Variants in AGAP1 observed in about 807,000 individuals in gnomAD.
AGAP1 encodes the protein ArfGAP with GTPase domain, ankyrin repeat and PH domain 1.
A neutral mutation model predicts 105.3 loss-of-function variants in AGAP1; 29 were observed. The ratio of observed to expected loss-of-function variants is 0.28; its 90% CI spans 0.21 to 0.38. The LOEUF is 0.38. Ranked by LOEUF, AGAP1 falls within the 10% of genes least tolerant of loss-of-function variation. AGAP1 has a pLI of 1.00. For missense variants in AGAP1, 998 were observed against 1,165.1 expected, an observed-to-expected ratio of 0.86 and a Z score of 2.09; for synonymous variants, 509 against 485.9, an observed-to-expected ratio of 1.05 and a Z score of -0.63.
At chr2:235,518,247 TTTGA>T (rs1942477228) in intron 1 of AGAP1, among the ~76,000 whole-genome samples, 1 of 152,252 alleles carries the variant, frequency 6.6e-6, no homozygotes, top group Non-Finnish European at 1.5e-5. Flanking sequence ...GTTTACACTG[TTTGA>T]TTGATTGGAT....
rs147299899 is a variant in AGAP1 at position 236,090,880 on chromosome 2, C to T, written c.2115-29312C>T. ...TCAGCCTCCTGAGTAGCTGGGATTACAGGCATGCGCCACCATACCCGGCTA... is the reference window on the plus strand; with the variant it reads ...TCAGCCTCCTGAGTAGCTGGGATTATAGGCATGCGCCACCATACCCGGCTA... On this transcript the variant is annotated intron_variant, in intron 16 of 17. Coordinates refer to ENST00000304032, the MANE Select transcript of AGAP1 (RefSeq NM_001037131.3). The surrounding 1 kb of genome is among the most constrained non-coding windows in gnomAD (Gnocchi z 4.3). Among the ~76,000 whole-genome samples, 1,420 of 152,304 alleles carry T rather than the reference C, an allele frequency of 9.3e-3. 24 individuals carry two copies. The highest frequency in any genetic ancestry group is 0.032 in the African/African-American group (1,336 of 41,564).
chr2:235,974,576 A>G (rs1435804911), intron 13 of AGAP1, among the ~76,000 whole-genome samples: 1 of 152,124 alleles, frequency 6.6e-6, no homozygotes, highest in African/African-American at 2.4e-5. Flanking sequence ...TTATCGCACC[A>G]TTGTGTGGTT....
At chr2:235,950,583 G>A (rs2053690848) in intron 12 of AGAP1, among the ~76,000 whole-genome samples, 2 of 152,048 alleles carry the variant, frequency 1.3e-5, no homozygotes, top group Non-Finnish European at 2.9e-5. Flanking sequence ...GGGGATGAAG[G>A]CTGCTGTAGG....
At chr2:236,023,286 T>C (rs2056944005) in intron 13 of AGAP1, among the ~76,000 whole-genome samples, 1 of 152,080 alleles carries the variant, frequency 6.6e-6, no homozygotes, top group Non-Finnish European at 1.5e-5. Flanking sequence ...CCCTTTGTCA[T>C]CCCGGGTCCA....
rs564263041 is a variant in AGAP1, at chr2:235,770,877, G to A, written c.673+20389G>A. Reference sequence around the variant, plus strand: ...TCAAGTTCTAATCCCTGGAATTGACGAATATTATATTTTGTGTCCAAAATA... The same window carrying A: ...TCAAGTTCTAATCCCTGGAATTGACAAATATTATATTTTGTGTCCAAAATA... On this transcript the variant is annotated intron_variant, in intron 6 of 17. Transcript: ENST00000304032. 7.9e-5 allele frequency among the ~76,000 whole-genome samples: 12 copies of A among 152,238 alleles called. No homozygotes were observed. The South Asian group carries it at 2.3e-3, about 29-fold the overall frequency.
intron 12 of AGAP1, among the ~76,000 whole-genome samples, chr2:235,952,333 A>C (rs1377568681): frequency 2.0e-5 from 3 of 151,992 alleles, no homozygotes; most frequent in Admixed American, 1.3e-4. Flanking sequence ...AGTGTCTGTC[A>C]AAGAAGTTAT....
At chr2:235,687,385 C>G (rs1173159568) in intron 1 of AGAP1, among the ~76,000 whole-genome samples, 1 of 152,078 alleles carries the variant, frequency 6.6e-6, no homozygotes, top group East Asian at 1.9e-4. Context: ...GAGTGCTAAC[C>G]CAAACCTTTC....
intron 3 of AGAP1, among the ~76,000 whole-genome samples, chr2:235,717,900 C>A (rs998862503): frequency 1.8e-4 from 27 of 152,152 alleles, no homozygotes; most frequent in African/African-American, 6.3e-4. Context: ...TTGTTCTGTC[C>A]TTTCAAATGT....
At chr2:235,735,525 ACAGCATT>A in intron 3 of AGAP1, among the ~76,000 whole-genome samples, 1 of 152,308 alleles carries the variant, frequency 6.6e-6, no homozygotes, top group East Asian at 1.9e-4. Flanking sequence ...ACATTGTGAG[ACAGCATT>A]CAGAATAGTA....
rs1303388085 is a variant in AGAP1 at position 236,125,750 on chromosome 2, C to G, written c.*1628C>G. 1 of 152,184 alleles carries G rather than the reference C, an allele frequency of 6.6e-6. No homozygotes were observed. Among genetic ancestry groups the G allele is most frequent in the East Asian group, 1.9e-4 (1 of 5,180 alleles). 9.4% of individuals were successfully genotyped at this position (152,184 alleles called of 1,614,324 possible). A position where few individuals can be genotyped will look rare whatever the true frequency, so the allele number is the denominator to read the frequency against. On this transcript the variant is annotated 3_prime_UTR_variant, in exon 18 of 18. Transcript: ENST00000304032. This position sits in a 1 kb window ranked among gnomAD's most constrained non-coding sequence, Gnocchi z 5.2. ...TACCTCGCCTGATTTTCCATCGTTG[C>G]GGTATCCAGCCGCTTCAGACGTCCG...
chr2:235,541,532 C>T lies in AGAP1; in HGVS notation c.163+46683C>T, dbSNP rs949629206. ...CCTCCTGAGTAGCTGGGACTACAGG[C>T]GCCCGCCACCGTGCCCGGCTAATTT... On this transcript the variant is annotated intron_variant, in intron 1 of 17. Transcript: ENST00000304032. Among the ~76,000 whole-genome samples, 11 of 151,928 alleles carry T rather than the reference C, an allele frequency of 7.2e-5. No individual in the cohort carries two copies. In the East Asian group the frequency reaches 1.4e-3, roughly 19 times the overall value.
chr2:235,991,266 G>A (rs2055552884), intron 13 of AGAP1, among the ~76,000 whole-genome samples: 1 of 152,156 alleles, frequency 6.6e-6, no homozygotes, highest in Admixed American at 6.5e-5. Context: ...TGAAGGGTCA[G>A]TATAAAAATA....
intron 12 of AGAP1, among the ~76,000 whole-genome samples, chr2:235,943,664 G>C (rs1318842001): frequency 2.0e-5 from 3 of 152,054 alleles, no homozygotes; most frequent in Non-Finnish European, 4.4e-5. Flanking sequence ...AAAATTTTGG[G>C]GGGTATCGAG....
chr2:235,916,833 G>A (rs753090533), intron 11 of AGAP1, among the ~76,000 whole-genome samples: 1 of 152,224 alleles, frequency 6.6e-6, no homozygotes, highest in Non-Finnish European at 1.5e-5. Context: ...CATAGCCTTT[G>A]AGTGGACATA....
chr2:235,995,945 C>T (rs904847259), intron 13 of AGAP1, among the ~76,000 whole-genome samples: 1 of 152,122 alleles, frequency 6.6e-6, no homozygotes, highest in African/African-American at 2.4e-5. Flanking sequence ...TGGAGGTCAG[C>T]CTCAATAAAA....
At chr2:236,075,067 G>A (rs567635053) in intron 16 of AGAP1, among the ~76,000 whole-genome samples, 1 of 152,200 alleles carries the variant, frequency 6.6e-6, no homozygotes, top group Admixed American at 6.6e-5. Context: ...AGAAAAAAGC[G>A]AGACACAAAA....
chr2:235,994,433 G>A lies in AGAP1; in HGVS notation c.1645+25810G>A, dbSNP rs1426105144. On this transcript the variant is annotated intron_variant, in intron 13 of 17. Coordinates refer to ENST00000304032, the MANE Select transcript of AGAP1 (RefSeq NM_001037131.3). This position sits in a 1 kb window ranked among gnomAD's most constrained non-coding sequence, Gnocchi z 4.4. ...TCACGTAACAACTTTCTTAGTGCTT[G>A]TACTTGTGTGCCTCTTGGAGTTACT... Among the ~76,000 whole-genome samples the A allele has an allele frequency of 6.6e-6, 1 of 152,150 alleles. No homozygotes were observed. Among genetic ancestry groups the A allele is most frequent in the African/African-American group, 2.4e-5 (1 of 41,438 alleles).
At chr2:235,968,395 A>G in intron 12 of AGAP1, 67 bp from the exon 13 acceptor site, 2 of 1,532,586 alleles carry the variant, frequency 1.3e-6, no homozygotes, top group Non-Finnish European at 1.7e-6. Context: ...GTTTCTGCGC[A>G]TTCTGCTTTG....
intron 11 of AGAP1, among the ~76,000 whole-genome samples, chr2:235,910,265 C>T (rs2051531915): frequency 6.6e-6 from 1 of 152,306 alleles, no homozygotes; most frequent in Admixed American, 6.5e-5. Flanking sequence ...TTGGGGTGCT[C>T]TTGCCTGGCC....
Sources: allele counts gnomAD v4.1 joint callset (sites outside exome capture counted in the v4.1 genomes callset), GRCh38; gene constraint gnomAD v4.1.1; non-coding constraint Gnocchi (gnomAD v3.1); transcripts MANE v1.5; gene names NCBI Gene and HGNC (gene_info 2026-07-23, HGNC 2026-07-21).